Variants in CEP128 observed in about 807,000 individuals in gnomAD.
The protein encoded by CEP128 is centrosomal protein 128kDa.
Under a neutral mutation model 156.7 loss-of-function variants are expected in CEP128, and 132 were observed. The ratio of observed to expected loss-of-function variants is 0.84; its 90% CI spans 0.73 to 0.97. The LOEUF (loss-of-function observed/expected upper bound fraction) is 0.97, where lower values mean the gene tolerates loss of function less well. Ranked by LOEUF, CEP128 falls within the 50% of genes least tolerant of loss-of-function variation. CEP128 has a pLI of 0.00. For missense variants in CEP128, 1,252 were observed against 1,281.9 expected, an observed-to-expected ratio of 0.98 and a Z score of 0.36; for synonymous variants, 469 against 448.9, an observed-to-expected ratio of 1.04 and a Z score of -0.57.
chr14:80,820,063 C>T (rs897053589), intron 13 of CEP128, among the ~76,000 whole-genome samples: 9 of 152,112 alleles, frequency 5.9e-5, no homozygotes, highest in Non-Finnish European at 1.3e-4. Flanking sequence ...ACATAACTAT[C>T]CAGCTCTTAA....
intron 21 of CEP128, among the ~76,000 whole-genome samples, chr14:80,545,052 C>T (rs1443533607): frequency 6.6e-6 from 1 of 152,184 alleles, no homozygotes; most frequent in African/African-American, 2.4e-5. Flanking sequence ...CCTTGAAAAG[C>T]TCTCAACCTT....
intron 2 of CEP128, chr14:80,955,749 G>T: frequency 1.2e-6 from 2 of 1,614,200 alleles, no homozygotes; most frequent in Non-Finnish European, 1.7e-6. Context: ...GCGGAATGGG[G>T]TGTTCGTCTC....
intron 2 of CEP128, among the ~76,000 whole-genome samples, chr14:80,954,387 T>C (rs1280242891): frequency 6.6e-6 from 1 of 152,238 alleles, no homozygotes. Flanking sequence ...CATTATCTAG[T>C]CGCGAGACAC....
At chr14:80,625,390 G>A (rs979004822) in intron 19 of CEP128, among the ~76,000 whole-genome samples, 6 of 152,008 alleles carry the variant, frequency 3.9e-5, no homozygotes, top group African/African-American at 1.2e-4. Flanking sequence ...GTTATGCCTC[G>A]AGCTTTGTTC....
intron 20 of CEP128, among the ~76,000 whole-genome samples, chr14:80,565,663 T>C (rs979096370): frequency 2.0e-5 from 3 of 152,212 alleles, no homozygotes; most frequent in Non-Finnish European, 4.4e-5. Flanking sequence ...GCAAATTCAT[T>C]AGTATCACTG....
downstream of CEP128, among the ~76,000 whole-genome samples, chr14:80,492,099 GA>G (rs1887344255): frequency 6.6e-6 from 1 of 152,090 alleles, no homozygotes; most frequent in Non-Finnish European, 1.5e-5. Flanking sequence ...AGAAAAGGGG[GA>G]AAAAAGCTTG....
Position 80,678,052 on chromosome 14 carries a change from ATATATATATATG to A in CEP128, c.2806+65011_2806+65022del, listed in dbSNP as rs1427530010. ...GACAGTTGCTCTATAAAAAAAAAAT[ATATATATATATG>A]TATATATATATATGCTCAAGGAAAC... On this transcript the variant is annotated intron_variant, in intron 19 of 24. Transcript: ENST00000555265. Among the ~76,000 whole-genome samples the A allele has an allele frequency of 2.8e-3, 147 of 52,946 alleles. 1 individual carries two copies. Among genetic ancestry groups the A allele is most frequent in the Non-Finnish European group, 8.6e-3 (127 of 14,832 alleles). 34.7% of individuals were successfully genotyped at this position (52,946 alleles called of 152,430 possible). A position where few individuals can be genotyped will look rare whatever the true frequency, so the allele number is the denominator to read the frequency against.
chr14:80,661,332 G>A (rs1895394587), intron 19 of CEP128, among the ~76,000 whole-genome samples: 2 of 151,998 alleles, frequency 1.3e-5, no homozygotes, highest in Non-Finnish European at 2.9e-5. Context: ...TTTCATTGCT[G>A]GATCACCCCT....
upstream of CEP128, among the ~76,000 whole-genome samples, chr14:80,946,147 C>A (rs942956472): frequency 8.5e-5 from 13 of 152,210 alleles, no homozygotes; most frequent in African/African-American, 3.1e-4. Context: ...GTGTGTAAAG[C>A]ACTAAGCCTA....
chr14:80,579,614 T>C (rs1229952420), intron 20 of CEP128, among the ~76,000 whole-genome samples: 1 of 152,148 alleles, frequency 6.6e-6, no homozygotes, highest in Non-Finnish European at 1.5e-5. Context: ...ATGACATCAC[T>C]CTCCAGTCTT....
intron 4 of CEP128, among the ~76,000 whole-genome samples, chr14:80,910,338 G>A (rs753796984): frequency 7.2e-5 from 11 of 152,312 alleles, no homozygotes; most frequent in Middle Eastern, 3.4e-3. Context: ...ATAATTCCCA[G>A]TGTTGGAAGT....
intron 19 of CEP128, among the ~76,000 whole-genome samples, chr14:80,713,350 T>G (rs1897483416): frequency 6.6e-6 from 1 of 152,170 alleles, no homozygotes; most frequent in African/African-American, 2.4e-5. Context: ...CAATGTTTTA[T>G]TCTTGCCTCC....
intron 2 of CEP128, among the ~76,000 whole-genome samples, chr14:80,931,626 T>C (rs758509524): frequency 3.3e-5 from 5 of 152,208 alleles, no homozygotes; most frequent in Non-Finnish European, 5.9e-5. Flanking sequence ...ACAGAATGGG[T>C]TGTAAAACTT....
chr14:80,501,651 C>T (rs894626619), intron 24 of CEP128, among the ~76,000 whole-genome samples: 1 of 151,816 alleles, frequency 6.6e-6, no homozygotes, highest in African/African-American at 2.4e-5. Context: ...ACTACAGGCA[C>T]CCGCCACCAC....
At chr14:80,518,821 T>C (rs772784725) in intron 23 of CEP128, among the ~76,000 whole-genome samples, 4 of 152,196 alleles carry the variant, frequency 2.6e-5, no homozygotes, top group Non-Finnish European at 5.9e-5. Context: ...GAATTTATTA[T>C]GTTACCTTGA....
chr14:80,849,901 T>C (rs188647196), intron 9 of CEP128, among the ~76,000 whole-genome samples: 17 of 152,198 alleles, frequency 1.1e-4, no homozygotes, highest in Admixed American at 9.2e-4. Flanking sequence ...AAGATGAATA[T>C]TTATAGAAAG....
upstream of CEP128, among the ~76,000 whole-genome samples, chr14:80,944,257 TG>T (rs529818023): frequency 1.9e-3 from 291 of 152,330 alleles, no homozygotes; most frequent in Middle Eastern, 3.4e-3. Flanking sequence ...TGATATGGTC[TG>T]GCTCTGTGTC....
At chr14:80,527,272 A>C (rs1305272481) in intron 22 of CEP128, 1 of 475,938 alleles carries the variant, frequency 2.1e-6, no homozygotes. Context: ...CTACAAAAAA[A>C]TACAAAAACT....
chr14:80,816,678 T>A (rs1242957506), intron 13 of CEP128, among the ~76,000 whole-genome samples: 2 of 152,162 alleles, frequency 1.3e-5, no homozygotes, highest in African/African-American at 4.8e-5. Context: ...CTAAGGAGAC[T>A]GACTTTATCT....
Sources: allele counts gnomAD v4.1 joint callset (sites outside exome capture counted in the v4.1 genomes callset), GRCh38; gene constraint gnomAD v4.1.1; transcripts MANE v1.5; gene names NCBI Gene and HGNC (gene_info 2026-07-23, HGNC 2026-07-21).